The following SIPA1L1 variants were observed in gnomAD, a reference collection of about 807,000 sequenced individuals.
The protein encoded by SIPA1L1 is signal induced proliferation associated 1 like 1, also known as signal-induced proliferation-associated 1-like protein 1.
In SIPA1L1, 26 loss-of-function variants were observed where a neutral mutation model predicts 162.7. That is an observed-to-expected ratio of 0.16 (90% CI 0.12 to 0.22). The LOEUF is 0.22. Ranked by LOEUF, SIPA1L1 falls within the 10% of genes least tolerant of loss-of-function variation. The pLI is 1.00. For missense variants in SIPA1L1, 1,874 were observed against 2,241.0 expected (o/e 0.84, Z 3.31); for synonymous variants, 829 against 837.4 (o/e 0.99, Z 0.17).
At chr14:71,558,974 G>A (rs1251236359) in intron 4 of SIPA1L1, among the ~76,000 whole-genome samples, 1 of 152,148 alleles carries the variant, frequency 6.6e-6, no homozygotes, top group Non-Finnish European at 1.5e-5. Flanking sequence ...GTAAGCCAGG[G>A]CACTTGGCCT....
chr14:71,364,294 A>G (rs1469853048), intron 2 of SIPA1L1, among the ~76,000 whole-genome samples: 1 of 152,162 alleles, frequency 6.6e-6, no homozygotes, highest in African/African-American at 2.4e-5. Context: ...ACCCTTTTTA[A>G]TGTAAACACA....
chr14:71,448,683 T>A (rs1595517156), intron 2 of SIPA1L1: 1 of 105,074 alleles, frequency 9.5e-6, no homozygotes, highest in African/African-American at 4.4e-5. Flanking sequence ...TCAAGTCTAA[T>A]TGTAAGCCGG....
At chr14:71,685,295 A>G (rs1478879116) in intron 12 of SIPA1L1, 67 bp from the exon 13 acceptor site, 2 of 1,531,932 alleles carry the variant, frequency 1.3e-6, no homozygotes, top group East Asian at 4.5e-5. Flanking sequence ...AATGAGAATC[A>G]ATGTGGTTCC....
intron 4 of SIPA1L1, among the ~76,000 whole-genome samples, chr14:71,543,926 C>CGCACATGTGT (rs2054763839): frequency 7.8e-6 from 1 of 127,994 alleles, no homozygotes; most frequent in African/African-American, 2.9e-5. Context: ...ATATATCATA[C>CGCACATGTGT]GTATATGTGT....
chr14:71,562,918 G>C (rs1432871210), intron 4 of SIPA1L1, among the ~76,000 whole-genome samples: 1 of 152,176 alleles, frequency 6.6e-6, no homozygotes, highest in Non-Finnish European at 1.5e-5. Context: ...GCTTCCCAAA[G>C]TGCTAGGATT....
rs765282553 is a variant in SIPA1L1, at chr14:71,589,213, T to C, written c.1341T>C (p.Phe447=). 1 of 1,613,988 alleles carries C rather than the reference T, an allele frequency of 6.2e-7. No individual in the cohort carries two copies. The highest frequency in any genetic ancestry group is 1.3e-5 in the African/African-American group (1 of 74,928). Residue 447 remains phenylalanine, a synonymous_variant, in exon 5 of 24, where the codon TTT becomes TTC. Coordinates refer to ENST00000381232, the MANE Select transcript of SIPA1L1 (RefSeq NM_001386936.1). ...GSFSGCESAS[F]ESTLSSHCTN... ...TTAGTGGATGTGAAAGTGCCTCCTT[T>C]GAGTCTACCCTTAGTTCCCATTGCA...
chr14:71,533,219 C>T (rs528984588), intron 4 of SIPA1L1, among the ~76,000 whole-genome samples: 1 of 152,220 alleles, frequency 6.6e-6, no homozygotes, highest in East Asian at 1.9e-4. Flanking sequence ...AAAATCAAAT[C>T]AAAAGTTTTC....
At position 71,590,044 on chromosome 14, in the gene SIPA1L1, AATATATATATAT is replaced by A. The variant is rs58833289; in HGVS notation, c.1498+695_1498+706del. On this transcript the variant is annotated intron_variant, in intron 5 of 23. Coordinates refer to ENST00000381232, the MANE Select transcript of SIPA1L1 (RefSeq NM_001386936.1). ...AGTAAAAAAAAAAAAAAAAAAAAAA[AATATATATATAT>A]ATATATATATATATATATATGTACA... Among the ~76,000 whole-genome samples, 397 of 59,528 alleles carry A rather than the reference AATATATATATAT, an allele frequency of 6.7e-3. 7 individuals are homozygous for A. Among genetic ancestry groups the A allele is most frequent in the African/African-American group, 0.031 (364 of 11,794 alleles). The allele number at this position is 59,528 out of a possible 152,430, so 39.1% of individuals were successfully genotyped here.
At chr14:71,718,206 G>C (rs772614514) in intron 17 of SIPA1L1, among the ~76,000 whole-genome samples, 1 of 152,152 alleles carries the variant, frequency 6.6e-6, no homozygotes, top group African/African-American at 2.4e-5. Flanking sequence ...CCCAGGTGAC[G>C]CTCACAGGCC....
At position 71,589,214 on chromosome 14, in the gene SIPA1L1, G is replaced by C. The variant is rs371174898; in HGVS notation, c.1342G>C (p.Glu448Gln). 2 of 1,613,986 alleles carry C rather than the reference G, an allele frequency of 1.2e-6. No homozygotes were observed. The highest frequency in any genetic ancestry group is 2.7e-5 in the African/African-American group (2 of 74,932). ...TAGTGGATGTGAAAGTGCCTCCTTT[G>C]AGTCTACCCTTAGTTCCCATTGCAC... Reference protein sequence around the residue: ...SFSGCESASFESTLSSHCTNA... With the variant: ...SFSGCESASFQSTLSSHCTNA... The change falls in exon 5 of 24, where the codon GAG (glutamate) becomes CAG (glutamine). Residue 448 changes from glutamate to glutamine, a missense_variant. By Grantham distance (29) the Glu-to-Gln change is conservative (BLOSUM62 2). This residue lies in a region of SIPA1L1 where 685 missense variants were observed against 828.0 expected (regional missense o/e 0.83). Coordinates refer to ENST00000381232, the MANE Select transcript of SIPA1L1 (RefSeq NM_001386936.1).
At chr14:71,392,121 G>A (rs572964062) in intron 2 of SIPA1L1, among the ~76,000 whole-genome samples, 3 of 152,302 alleles carry the variant, frequency 2.0e-5, no homozygotes, top group African/African-American at 7.2e-5. Flanking sequence ...AAGCCAGAGA[G>A]GCTTGGGGAG....
intron 2 of SIPA1L1, among the ~76,000 whole-genome samples, chr14:71,454,235 G>A (rs150727052): frequency 1.8e-3 from 278 of 152,116 alleles, no homozygotes; most frequent in African/African-American, 6.3e-3. Flanking sequence ...GTTAAAGGAG[G>A]TCACATAATT....
At chr14:71,506,319 A>C (rs963210428) in intron 2 of SIPA1L1, among the ~76,000 whole-genome samples, 3 of 152,042 alleles carry the variant, frequency 2.0e-5, no homozygotes, top group Non-Finnish European at 4.4e-5. Context: ...GAGTGCCATT[A>C]ATTACTTGTC....
intron 8 of SIPA1L1, among the ~76,000 whole-genome samples, chr14:71,651,474 GAC>G: frequency 6.6e-6 from 1 of 152,314 alleles, no homozygotes; most frequent in East Asian, 1.9e-4. Flanking sequence ...ATGCAAGAGA[GAC>G]TATTAAAACC....
At chr14:71,605,138 G>T (rs978573234) in intron 5 of SIPA1L1, among the ~76,000 whole-genome samples, 12 of 151,988 alleles carry the variant, frequency 7.9e-5, no homozygotes, top group South Asian at 2.1e-4. Flanking sequence ...AAGTACTGAG[G>T]TTCTTTTTTT....
intron 2 of SIPA1L1, among the ~76,000 whole-genome samples, chr14:71,457,283 A>G (rs992827466): frequency 2.6e-5 from 4 of 152,024 alleles, no homozygotes; most frequent in African/African-American, 9.7e-5. Context: ...GCTATATGGT[A>G]AACAAACTGC....
At chr14:71,567,130 G>T (rs1452011391) in intron 4 of SIPA1L1, among the ~76,000 whole-genome samples, 1 of 152,138 alleles carries the variant, frequency 6.6e-6, no homozygotes, top group Non-Finnish European at 1.5e-5. Flanking sequence ...CAAAGCTGTG[G>T]CAGCAAGCAG....
At chr14:71,591,149 C>T (rs1404304376) in intron 5 of SIPA1L1, among the ~76,000 whole-genome samples, 2 of 152,012 alleles carry the variant, frequency 1.3e-5, no homozygotes, top group Admixed American at 6.6e-5. Context: ...TCCTATTAGG[C>T]AGTATAATAA....
chr14:71,462,654 G>A (rs549863893), intron 2 of SIPA1L1, among the ~76,000 whole-genome samples: 1 of 152,166 alleles, frequency 6.6e-6, no homozygotes, highest in Non-Finnish European at 1.5e-5. Context: ...CTGAATTTTA[G>A]TTGGATTTAT....
Sources: allele counts gnomAD v4.1 joint callset (sites outside exome capture counted in the v4.1 genomes callset), GRCh38; gene constraint gnomAD v4.1.1; regional missense constraint gnomAD v4.1.1; transcripts MANE v1.5; gene names NCBI Gene and HGNC (gene_info 2026-07-23, HGNC 2026-07-21).